Variants in SAP30BP observed in about 807,000 individuals in gnomAD.
The protein encoded by SAP30BP is SAP30-binding protein.
SAP30BP carries 31 observed loss-of-function variants against 46.3 expected under a neutral mutation model. The ratio of observed to expected loss-of-function variants is 0.67; its 90% confidence interval spans 0.50 to 0.90. The LOEUF (loss-of-function observed/expected upper bound fraction) is 0.90. Ranked by LOEUF, SAP30BP falls within the 40% of genes least tolerant of loss-of-function variation. The probability of loss-of-function intolerance (pLI) is 0.00; values close to 1 mark genes in which losing one functional copy is unlikely to be tolerated. For missense variants in SAP30BP, 312 were observed against 391.0 expected, an observed-to-expected ratio of 0.80 and a Z score of 1.70; for synonymous variants, 169 against 144.2, an observed-to-expected ratio of 1.17 and a Z score of -1.23.
intron 3 of SAP30BP, among the ~76,000 whole-genome samples, chr17:75,674,221 ACT>A (rs2059949045): frequency 6.6e-6 from 1 of 151,644 alleles, no homozygotes; most frequent in Non-Finnish European, 1.5e-5. Flanking sequence ...CTGGCCTCAG[ACT>A]CTCTTCCACA....
intron 9 of SAP30BP, chr17:75,705,577 TTCTC>T: frequency 9.9e-7 from 1 of 1,006,952 alleles, no homozygotes; most frequent in Non-Finnish European, 1.2e-6. Context: ...TGAATCTCCC[TTCTC>T]TCTCTTTCCC....
chr17:75,702,969 C>T (rs894134578), intron 6 of SAP30BP: 41 of 369,868 alleles, frequency 1.1e-4, no homozygotes, highest in Admixed American at 4.9e-4. Context: ...AGGACCAGAG[C>T]GATGTCTGGT....
intron 3 of SAP30BP, among the ~76,000 whole-genome samples, chr17:75,676,302 C>T (rs970645450): frequency 6.6e-6 from 1 of 152,198 alleles, no homozygotes; most frequent in Admixed American, 6.5e-5. Flanking sequence ...TGCTGATGTA[C>T]TGAGTTACAC....
rs1312866261 is a variant in SAP30BP, at chr17:75,707,780, T to G, written c.*1259T>G. On this transcript the variant is annotated 3_prime_UTR_variant, in exon 11 of 11. Transcript: ENST00000584667. The stretch of plus-strand genomic sequence containing the variant: ...CTCCCCACTCATGCCCCAGAGGGAC[T>G]GTGAAAAGGCTTCCTGTGACCTCCG... 2 of 152,210 alleles carry G rather than the reference T, an allele frequency of 1.3e-5. No individual in the cohort carries two copies. Among genetic ancestry groups the G allele is most frequent in the East Asian group, 3.9e-4 (2 of 5,192 alleles). The allele number at this position is 152,210 out of a possible 1,614,324, so 9.4% of individuals were successfully genotyped here.
At position 75,706,324 on chromosome 17, in the gene SAP30BP, T is replaced by C; in HGVS notation, c.746-16T>C. On this transcript the variant is annotated splice_polypyrimidine_tract_variant and intron_variant, in intron 10 of 10. Coordinates refer to ENST00000584667, the MANE Select transcript of SAP30BP (RefSeq NM_013260.8). This position sits in a 1 kb window ranked among gnomAD's most constrained non-coding sequence, Gnocchi z 4.6. Reference sequence around the variant, plus strand: ...TCATTGGTGGATCGTGATCCTGATTTCTGCTTTATCTCCAGATGCTCAGAA... The same window carrying C: ...TCATTGGTGGATCGTGATCCTGATTCCTGCTTTATCTCCAGATGCTCAGAA... 1 of 1,610,676 alleles carries C rather than the reference T, an allele frequency of 6.2e-7. No individual in the cohort carries two copies.
rs573511969 is a variant in SAP30BP, at chr17:75,700,900, CAT to C, written c.396+1030_396+1031del. On this transcript the variant is annotated intron_variant, in intron 5 of 10. Coordinates refer to ENST00000584667, the MANE Select transcript of SAP30BP (RefSeq NM_013260.8). ...GTGGAAACCATGACATTCGAGCAAA[CAT>C]TTTAGTTCATCTTGAGTAGTAGAAC... 2.6e-5 allele frequency among the ~76,000 whole-genome samples: 4 copies of C among 152,328 alleles called. No homozygotes were observed. In the South Asian group the frequency reaches 6.2e-4, roughly 24 times the overall value.
At position 75,706,375 on chromosome 17, in the gene SAP30BP, A is replaced by G; in HGVS notation, c.781A>G (p.Ile261Val). 1.9e-6 allele frequency: 3 copies of G among 1,614,006 alleles called. No homozygotes were observed. Among genetic ancestry groups the G allele is most frequent in the Non-Finnish European group, 2.5e-6 (3 of 1,180,014 alleles). Residue 261 changes from isoleucine (I) to valine (V), a missense_variant, in exon 11 of 11, where the codon ATC (isoleucine) becomes GTC (valine). Physicochemically the swap from Ile to Val is conservative, Grantham distance 29. Transcript: ENST00000584667. This position sits in a 1 kb window ranked among gnomAD's most constrained non-coding sequence, Gnocchi z 4.6. ...GAGAAAGAGCAAGTGGGATTCGGCT[A>G]TCCCAGTGACAACGATAGCCCAGCC... ...QKRKSKWDSA[I>V]PVTTIAQPTI... is the part of the protein sequence containing the mutation.
rs569257175 is a variant in SAP30BP, at chr17:75,688,071, G to A, written c.265-5369G>A. Among the ~76,000 whole-genome samples, 12 of 152,274 alleles carry A rather than the reference G, an allele frequency of 7.9e-5. No homozygotes were observed. The South Asian group carries it at 2.1e-3, about 26-fold the overall frequency. ...AGTAGTTTGTCTTCATCGGCCAGGT[G>A]AGCATGAGGGTAGAGGAAGGCTTCC... On this transcript the variant is annotated intron_variant, in intron 3 of 10. Transcript: ENST00000584667.
chr17:75,672,165 G>C, intron 3 of SAP30BP: 1 of 387,080 alleles, frequency 2.6e-6, no homozygotes, highest in Non-Finnish European at 4.9e-6. Context: ...GGGGCTTTAA[G>C]TGTCACTGCC....
intron 3 of SAP30BP, among the ~76,000 whole-genome samples, chr17:75,688,759 G>T (rs187087516): frequency 1.7e-4 from 26 of 152,186 alleles, no homozygotes; most frequent in Admixed American, 1.6e-3. Flanking sequence ...TCCTTCCTGC[G>T]CTCCAGTCAG....
In SAP30BP at chr17:75,706,242, G is replaced by A. The variant is rs553118046; in HGVS notation, c.746-98G>A. 107 of 1,544,238 alleles carry A rather than the reference G, an allele frequency of 6.9e-5. 1 individual carries two copies. The South Asian group carries it at 1.1e-3, about 16-fold the overall frequency. The stretch of plus-strand genomic sequence containing the variant: ...TTTGGAGTCTGGGGTGGGCCACTTC[G>A]GGGTCTGCTCCCTAGACTCCCGCTG... On this transcript the variant is annotated intron_variant, in intron 10 of 10. Transcript: ENST00000584667. This position sits in a 1 kb window ranked among gnomAD's most constrained non-coding sequence, Gnocchi z 4.6.
intron 1 of SAP30BP, chr17:75,667,995 A>AT (rs1346452067): frequency 6.3e-6 from 1 of 158,178 alleles, no homozygotes; most frequent in African/African-American, 2.4e-5. Flanking sequence ...ATCCCAGGTG[A>AT]TTTTTCTTAT....
At chr17:75,678,552 C>T (rs369654287) in intron 3 of SAP30BP, among the ~76,000 whole-genome samples, 2 of 152,042 alleles carry the variant, frequency 1.3e-5, no homozygotes, top group Non-Finnish European at 2.9e-5. Flanking sequence ...GCCGGCTGTA[C>T]TCGACTCAGT....
chr17:75,667,543 T>C, intron 1 of SAP30BP, 65 bp downstream of exon 1: 2 of 1,453,596 alleles, frequency 1.4e-6, no homozygotes, highest in Non-Finnish European at 1.9e-6. Flanking sequence ...GTACCCTCGC[T>C]GGGCGGGAGG....
At chr17:75,667,548 G>C in intron 1 of SAP30BP, 70 bp downstream of exon 1, 1 of 1,429,766 alleles carries the variant, frequency 7.0e-7, no homozygotes, top group Non-Finnish European at 9.8e-7. Context: ...CTCGCTGGGC[G>C]GGAGGGAACA....
intron 3 of SAP30BP, among the ~76,000 whole-genome samples, chr17:75,674,988 C>T (rs1265035871): frequency 6.6e-6 from 1 of 152,032 alleles, no homozygotes. Flanking sequence ...GAGCTGTGAG[C>T]CACCAGGCCC....
chr17:75,707,505 TG>T lies in SAP30BP; in HGVS notation c.*985del, dbSNP rs775454531. 6.5e-6 allele frequency: 1 copy of T among 152,698 alleles called. No homozygotes were observed. The highest frequency in any genetic ancestry group is 1.5e-5 in the Non-Finnish European group (1 of 68,112). The allele number at this position is 152,698 out of a possible 1,614,324, so 9.5% of individuals were successfully genotyped here. A position where few individuals can be genotyped will look rare whatever the true frequency, so the allele number is the denominator to read the frequency against. ...TCTCCACTGGAGCGGAAGGGCTGTG[TG>T]TCAAAAGAAGGAAGCCAGGCTGTGA... On this transcript the variant is annotated 3_prime_UTR_variant, in exon 11 of 11. Coordinates refer to ENST00000584667, the MANE Select transcript of SAP30BP (RefSeq NM_013260.8).
chr17:75,693,183 T>C, intron 3 of SAP30BP: 1 of 467,852 alleles, frequency 2.1e-6, no homozygotes. Flanking sequence ...TCCTCAGCGA[T>C]GGTGGGTTTG....
At chr17:75,678,904 A>G (rs985687610) in intron 3 of SAP30BP, among the ~76,000 whole-genome samples, 1 of 151,970 alleles carries the variant, frequency 6.6e-6, no homozygotes, top group Admixed American at 6.6e-5. Flanking sequence ...TCATATAACG[A>G]AGGACCTTTT....
Sources: gnomAD v4.1 joint callset for allele counts (sites outside exome capture counted in the v4.1 genomes callset) on GRCh38, gnomAD v4.1.1 for gene constraint, Gnocchi (gnomAD v3.1) non-coding constraint, MANE v1.5 for transcripts, NCBI Gene and HGNC (gene_info 2026-07-23, HGNC 2026-07-21) for gene names.